Variants in ZSCAN2 observed in about 807,000 individuals in gnomAD.
ZSCAN2 encodes zinc finger and SCAN domain-containing protein 2.
A neutral mutation model predicts 47.8 loss-of-function variants in ZSCAN2; 26 were observed. That is an observed-to-expected ratio of 0.54 (90% CI 0.40 to 0.75). The LOEUF (loss-of-function observed/expected upper bound fraction) is 0.75, where lower values mean the gene tolerates loss of function less well. ZSCAN2 is among the 30% of genes least tolerant of loss of function. The probability of loss-of-function intolerance (pLI) is 0.00; values close to 1 mark genes in which losing one functional copy is unlikely to be tolerated. For missense variants in ZSCAN2, 732 were observed against 785.4 expected (o/e 0.93, Z 0.81); for synonymous variants, 305 against 288.7 (o/e 1.06, Z -0.57).
intron 2 of ZSCAN2, chr15:84,606,687 C>T: frequency 1.3e-6 from 2 of 1,536,516 alleles, no homozygotes; most frequent in Admixed American, 4.3e-5. Context: ...GTTCAGGTCT[C>T]AGCAGGTGTC....
intron 2 of ZSCAN2, chr15:84,606,656 T>C (rs1182085177): frequency 3.8e-6 from 6 of 1,597,750 alleles, no homozygotes; most frequent in East Asian, 4.5e-5. Flanking sequence ...TGTTATTTGG[T>C]TGGGGAGGCA....
In ZSCAN2 at chr15:84,621,374, C is replaced by A; in HGVS notation, c.1179C>A (p.Thr393=). 6.2e-7 allele frequency: 1 copy of A among 1,614,006 alleles called. No individual in the cohort carries two copies. The highest frequency in any genetic ancestry group is 8.5e-7 in the Non-Finnish European group (1 of 1,179,992). The part of the protein sequence containing the change: ...IHTGEKPYKC[T]DCGQRFSQSS... ...CAGGAGAGAAACCCTACAAATGTAC[C>A]GACTGTGGGCAGAGGTTCAGCCAGA... The change falls in exon 3 of 3, where the codon ACC becomes ACA. Residue 393 remains threonine, a synonymous_variant. Coordinates refer to ENST00000546148, the MANE Select transcript of ZSCAN2 (RefSeq NM_181877.4). The surrounding 1 kb of genome is among the most constrained non-coding windows in gnomAD (Gnocchi z 5.7).
intron 1 of ZSCAN2, among the ~76,000 whole-genome samples, chr15:84,601,354 C>G (rs1895197505): frequency 6.6e-6 from 1 of 152,208 alleles, no homozygotes; most frequent in South Asian, 2.1e-4. Context: ...CCTTGCCTCT[C>G]CTACCGAGAA....
chr15:84,619,110 A>G (rs1895757821), intron 2 of ZSCAN2, among the ~76,000 whole-genome samples: 1 of 152,278 alleles, frequency 6.6e-6, no homozygotes, highest in African/African-American at 2.4e-5. Context: ...AGGTTTAACA[A>G]GTTCCTGGAA....
At chr15:84,616,654 G>C (rs1360392430) in intron 2 of ZSCAN2, 1 of 1,134,994 alleles carries the variant, frequency 8.8e-7, no homozygotes, top group African/African-American at 1.6e-5. Context: ...AACCAGTTCT[G>C]ATTTTAAAAC....
intron 2 of ZSCAN2, among the ~76,000 whole-genome samples, chr15:84,611,057 G>T (rs1445512453): frequency 6.6e-6 from 1 of 152,096 alleles, no homozygotes; most frequent in African/African-American, 2.4e-5. Flanking sequence ...ACTTTGGGAG[G>T]CCAAGGTGGG....
rs772831020 is a variant in ZSCAN2, at chr15:84,604,313, C to T, written c.386C>T (p.Thr129Ile). Residue 129 changes from threonine (T) to isoleucine (I), a missense_variant, in exon 2 of 3, where the codon ACC (threonine) becomes ATC (isoleucine). Thr to Ile is a moderately conservative substitution (Grantham distance 89, BLOSUM62 -1). This residue lies in a region of ZSCAN2 where 320 missense variants were observed against 287.4 expected (regional missense o/e 1.11). Transcript: ENST00000546148. ...EEAAALVEDLTQTLQDSDFEI... is the reference protein window; with the variant it reads ...EEAAALVEDLIQTLQDSDFEI... Reference sequence around the variant, plus strand: ...GCAGCGGCCCTGGTGGAAGACTTGACCCAGACCCTTCAGGACAGTGGTGAG... The same window carrying T: ...GCAGCGGCCCTGGTGGAAGACTTGATCCAGACCCTTCAGGACAGTGGTGAG... 6.2e-7 allele frequency: 1 copy of T among 1,611,698 alleles called. No individual in the cohort carries two copies. Among genetic ancestry groups the T allele is most frequent in the South Asian group, 1.1e-5 (1 of 90,684 alleles).
chr15:84,606,922 T>C (rs961609339), intron 2 of ZSCAN2: 2 of 1,042,812 alleles, frequency 1.9e-6, no homozygotes, highest in African/African-American at 3.4e-5. Flanking sequence ...CTTCATCCCT[T>C]CTCAAACATT....
chr15:84,616,646 C>G, intron 2 of ZSCAN2: 2 of 1,155,888 alleles, frequency 1.7e-6, no homozygotes, highest in Non-Finnish European at 2.1e-6. Context: ...GGAGAGCTAA[C>G]CAGTTCTGAT....
chr15:84,619,001 C>T (rs558393555), intron 2 of ZSCAN2, among the ~76,000 whole-genome samples: 66 of 152,292 alleles, frequency 4.3e-4, no homozygotes, highest in African/African-American at 1.5e-3. Context: ...TTGGCCTCAT[C>T]CTCGGGTAGA....
At chr15:84,615,232 G>T (rs1183434883) in intron 2 of ZSCAN2, among the ~76,000 whole-genome samples, 1 of 152,142 alleles carries the variant, frequency 6.6e-6, no homozygotes, top group Non-Finnish European at 1.5e-5. Flanking sequence ...GGGATTACAG[G>T]CGTGAGCCAC....
chr15:84,620,492 C>A, intron 2 of ZSCAN2, 110 bp from the exon 3 acceptor site: 1 of 943,220 alleles, frequency 1.1e-6, no homozygotes, highest in Non-Finnish European at 1.6e-6. Context: ...ATTTTCTAGC[C>A]TCTTTGTGTT....
intron 2 of ZSCAN2, chr15:84,616,447 G>A: frequency 1.3e-6 from 2 of 1,562,552 alleles, no homozygotes; most frequent in Non-Finnish European, 1.7e-6. Context: ...TGAGCTTTCT[G>A]AGTTCTGTTC....
intron 1 of ZSCAN2, among the ~76,000 whole-genome samples, chr15:84,603,368 C>CT (rs530895051): frequency 0.026 from 3,464 of 135,750 alleles, 136 homozygotes; most frequent in Admixed American, 0.11. Flanking sequence ...GCTTGGGATA[C>CT]TTTTTTTTTT....
Position 84,606,530 on chromosome 15 carries a change from T to C in ZSCAN2, c.406+2197T>C, listed in dbSNP as rs376521924. On this transcript the variant is annotated intron_variant, in intron 2 of 2. Coordinates refer to ENST00000546148, the MANE Select transcript of ZSCAN2 (RefSeq NM_181877.4). ...CAAACCTGTCTCCCTATTTTACAGC[T>C]GTAGCTGTCGTTGCTTCCCTTCCGG... 1.2e-5 allele frequency: 19 copies of C among 1,610,858 alleles called. No homozygotes were observed. In the African/African-American group the frequency reaches 2.1e-4, roughly 18 times the overall value.
Position 84,622,237 on chromosome 15 carries a change from G to T in ZSCAN2, c.*197G>T. On this transcript the variant is annotated 3_prime_UTR_variant, in exon 3 of 3. Transcript: ENST00000546148. ...CAAGTCCCGTATACATTCAAGAACA[G>T]GGCATAGGCGTGGAAGGTCTGGAAA... 1.6e-6 allele frequency: 1 copy of T among 607,884 alleles called. No individual in the cohort carries two copies. The highest frequency in any genetic ancestry group is 2.9e-6 in the Non-Finnish European group (1 of 340,256). The allele number at this position is 607,884 out of a possible 1,614,324, so 37.7% of individuals were successfully genotyped here.
intron 2 of ZSCAN2, chr15:84,606,253 C>T: frequency 2.5e-6 from 1 of 403,768 alleles, no homozygotes; most frequent in Non-Finnish European, 4.6e-6. Flanking sequence ...CGAAGGTCTG[C>T]AGTGACCCAG....
rs191013510 is a variant in ZSCAN2, at chr15:84,622,765, G to A, written c.*725G>A. On this transcript the variant is annotated 3_prime_UTR_variant, in exon 3 of 3. Coordinates refer to ENST00000546148, the MANE Select transcript of ZSCAN2 (RefSeq NM_181877.4). ...AAAGGGGTAAACCGAGGACATTTCA[G>A]TGCTTGCTTTTGTCTCTGCCTACTG... 1.4e-6 allele frequency: 1 copy of A among 698,298 alleles called. No individual in the cohort carries two copies. Among genetic ancestry groups the A allele is most frequent in the Non-Finnish European group, 2.7e-6 (1 of 377,058 alleles). 43.3% of individuals were successfully genotyped at this position (698,298 alleles called of 1,614,324 possible).
In ZSCAN2 at chr15:84,623,000, A is replaced by G. The variant is rs570942565; in HGVS notation, c.*960A>G. Reference sequence around the variant, plus strand: ...AGCCCCATAATTTCTGAATTATTCTATGCACTTGTTTCCCTCTTCTTTTAT... The same window carrying G: ...AGCCCCATAATTTCTGAATTATTCTGTGCACTTGTTTCCCTCTTCTTTTAT... On this transcript the variant is annotated 3_prime_UTR_variant, in exon 3 of 3. Transcript: ENST00000546148. The G allele has an allele frequency of 2.5e-5, 8 of 316,884 alleles. No homozygotes were observed. Among genetic ancestry groups the G allele is most frequent in the African/African-American group, 6.5e-5 (3 of 46,422 alleles). The allele number at this position is 316,884 out of a possible 1,614,324, so 19.6% of individuals were successfully genotyped here. A position where few individuals can be genotyped will look rare whatever the true frequency, so the allele number is the denominator to read the frequency against.
Sources: allele counts gnomAD v4.1 joint callset (sites outside exome capture counted in the v4.1 genomes callset), GRCh38; gene constraint gnomAD v4.1.1; regional missense constraint gnomAD v4.1.1; non-coding constraint Gnocchi (gnomAD v3.1); transcripts MANE v1.5; gene names NCBI Gene and HGNC (gene_info 2026-07-23, HGNC 2026-07-21).